Variants in GPC6 observed in about 807,000 individuals in gnomAD.
GPC6 encodes the protein glypican 6, also known as glypican-6.
A neutral mutation model predicts 55.2 loss-of-function variants in GPC6; 14 were observed. The ratio of observed to expected loss-of-function variants is 0.25; its 90% CI spans 0.17 to 0.40. GPC6 has a LOEUF of 0.40. Among genes scored for constraint, GPC6 ranks in the 10% least tolerant of loss-of-function variants. The pLI is 1.00. For synonymous variants in GPC6, 278 were observed against 259.6 expected, an observed-to-expected ratio of 1.07 and a Z score of -0.68; for missense variants, 641 against 708.5, an observed-to-expected ratio of 0.90 and a Z score of 1.08.
intron 5 of GPC6, among the ~76,000 whole-genome samples, chr13:94,295,391 T>C (rs1028308873): frequency 2.0e-5 from 3 of 152,180 alleles, no homozygotes; most frequent in East Asian, 1.9e-4. Flanking sequence ...CACTGACTCA[T>C]TGGTCTTGTC....
chr13:94,168,661 CATAT>C (rs1421065324), intron 4 of GPC6, among the ~76,000 whole-genome samples: 1 of 146,760 alleles, frequency 6.8e-6, no homozygotes, highest in Non-Finnish European at 1.5e-5. Context: ...TTTATATGTC[CATAT>C]ATTATAAATA....
At chr13:94,270,150 A>C (rs1269045477) in intron 4 of GPC6, among the ~76,000 whole-genome samples, 1 of 152,188 alleles carries the variant, frequency 6.6e-6, no homozygotes, top group Non-Finnish European at 1.5e-5. Flanking sequence ...AGAATTCTAT[A>C]CCTAAGTGTA....
chr13:93,645,109 G>C (rs1350558830), intron 2 of GPC6, among the ~76,000 whole-genome samples: 8 of 152,076 alleles, frequency 5.3e-5, no homozygotes, highest in Non-Finnish European at 1.2e-4. Context: ...GTGGAGAAGG[G>C]CATAGCCCCA....
At chr13:94,275,208 A>G (rs973313316) in intron 4 of GPC6, among the ~76,000 whole-genome samples, 15 of 152,182 alleles carry the variant, frequency 9.9e-5, no homozygotes, top group African/African-American at 3.6e-4. Context: ...CTTTTTGAAA[A>G]TTCCATGATA....
intron 2 of GPC6, among the ~76,000 whole-genome samples, chr13:93,695,090 A>G (rs1236939712): frequency 1.3e-5 from 2 of 152,170 alleles, no homozygotes; most frequent in East Asian, 3.9e-4. Context: ...AGCTTGTTCA[A>G]TTAGAAAATA....
At chr13:94,327,936 T>C (rs949394849) in intron 6 of GPC6, among the ~76,000 whole-genome samples, 2 of 152,134 alleles carry the variant, frequency 1.3e-5, no homozygotes, top group Admixed American at 6.5e-5. Flanking sequence ...ATGGTAAACC[T>C]GCCTTCTTCA....
intron 2 of GPC6, among the ~76,000 whole-genome samples, chr13:93,581,942 G>C (rs1594285778): frequency 6.6e-6 from 1 of 152,096 alleles, no homozygotes; most frequent in African/African-American, 2.4e-5. Context: ...ACCCTGATGG[G>C]TGTTTTTACA....
chr13:94,121,194 G>T (rs975488629), intron 4 of GPC6, among the ~76,000 whole-genome samples: 1 of 152,002 alleles, frequency 6.6e-6, no homozygotes, highest in African/African-American at 2.4e-5. Context: ...TGTGCTGTTG[G>T]GGTACCATAC....
At chr13:94,291,233 T>C (rs917821843) in intron 5 of GPC6, among the ~76,000 whole-genome samples, 3 of 150,794 alleles carry the variant, frequency 2.0e-5, no homozygotes, top group Non-Finnish European at 4.4e-5. Context: ...AGGGATAATA[T>C]AGGGCATGTA....
At chr13:93,763,828 ATT>A (rs5805824) in intron 2 of GPC6, among the ~76,000 whole-genome samples, 8,079 of 149,148 alleles carry the variant, frequency 0.054, 502 homozygotes, top group East Asian at 0.18. Flanking sequence ...CTTCATCTTT[ATT>A]TTTTTTTTTT....
In GPC6 at chr13:94,382,597, G is replaced by A. The variant is rs751119824; in HGVS notation, c.1289+47G>A. On this transcript the variant is annotated intron_variant, in intron 7 of 8. Transcript: ENST00000377047. ...CATGGATGGGGGCACAGCACACCCA[G>A]CCTTGGAAGACTCTCCTGGCACAAC... 63 of 1,611,618 alleles carry A rather than the reference G, an allele frequency of 3.9e-5. No homozygotes were observed. The South Asian group carries it at 6.6e-4, about 17-fold the overall frequency.
intron 1 of GPC6, among the ~76,000 whole-genome samples, chr13:93,251,755 T>G (rs186476016): frequency 1.1e-3 from 175 of 152,332 alleles, no homozygotes; most frequent in African/African-American, 4.1e-3. Context: ...GGAGAAAATG[T>G]AGGAGGCTGT....
At chr13:93,835,957 T>C (rs1437141523) in intron 3 of GPC6, 1 of 152,124 alleles carries the variant, frequency 6.6e-6, no homozygotes, top group African/African-American at 2.4e-5. Context: ...TATCCATCTC[T>C]CTATCAAAAA....
intron 2 of GPC6, among the ~76,000 whole-genome samples, chr13:93,591,697 C>T (rs1877495736): frequency 6.6e-6 from 1 of 151,938 alleles, no homozygotes; most frequent in South Asian, 2.1e-4. Flanking sequence ...ATACAACATC[C>T]CCAGCAGGAT....
At chr13:93,443,912 C>G (rs1877898164) in intron 1 of GPC6, among the ~76,000 whole-genome samples, 2 of 152,162 alleles carry the variant, frequency 1.3e-5, no homozygotes, top group Admixed American at 1.3e-4. Context: ...CTTTGTAAAA[C>G]AGTGCTTTCG....
intron 4 of GPC6, among the ~76,000 whole-genome samples, chr13:94,086,968 G>GT (rs1317020483): frequency 2.6e-5 from 4 of 152,114 alleles, no homozygotes; most frequent in African/African-American, 7.2e-5. Flanking sequence ...GGCCACTTTA[G>GT]TTTTTTCAGG....
At chr13:93,659,407 T>TAACA (rs1399698558) in intron 2 of GPC6, among the ~76,000 whole-genome samples, 3 of 151,990 alleles carry the variant, frequency 2.0e-5, no homozygotes. Flanking sequence ...ATTCTATCAC[T>TAACA]AACAGTTTTA....
At chr13:94,158,104 T>C (rs952427640) in intron 4 of GPC6, among the ~76,000 whole-genome samples, 2 of 152,176 alleles carry the variant, frequency 1.3e-5, no homozygotes, top group Non-Finnish European at 2.9e-5. Context: ...TAAGCCCAAT[T>C]TCCTGCCAGA....
At chr13:94,301,909 A>T (rs1875672057) in intron 5 of GPC6, among the ~76,000 whole-genome samples, 1 of 152,154 alleles carries the variant, frequency 6.6e-6, no homozygotes, top group African/African-American at 2.4e-5. Context: ...TCCCTTATTC[A>T]AAATGTAAAA....
Sources: gnomAD v4.1 joint callset for allele counts (sites outside exome capture counted in the v4.1 genomes callset) on GRCh38, gnomAD v4.1.1 for gene constraint, MANE v1.5 for transcripts, NCBI Gene and HGNC (gene_info 2026-07-23, HGNC 2026-07-21) for gene names.